ZSCAN30: variants seen among roughly 807,000 people sequenced by gnomAD.
ZSCAN30 encodes zinc finger and SCAN domain-containing protein 30.
In ZSCAN30, 37 loss-of-function variants were observed where a neutral mutation model predicts 44.3. The ratio of observed to expected loss-of-function variants is 0.84; its 90% confidence interval spans 0.64 to 1.10. ZSCAN30 has a LOEUF of 1.10. Ranked by LOEUF, ZSCAN30 falls within the 50% of genes least tolerant of loss-of-function variation. The pLI is 0.00. For missense variants in ZSCAN30, 549 were observed against 582.6 expected (o/e 0.94, Z 0.59); for synonymous variants, 181 against 204.6 (o/e 0.88, Z 0.98).
chr18:35,269,872 C>T (rs894500367), intron 1 of ZSCAN30: 2 of 150,694 alleles, frequency 1.3e-5, no homozygotes, highest in African/African-American at 4.9e-5. Flanking sequence ...GTAAAGTTGT[C>T]TTCTATGTAA....
At chr18:35,266,418 G>A (rs569246681) in intron 1 of ZSCAN30, among the ~76,000 whole-genome samples, 2 of 152,154 alleles carry the variant, frequency 1.3e-5, no homozygotes, top group South Asian at 2.1e-4. Flanking sequence ...ACAAAAAGAC[G>A]GGAGATTTGA....
chr18:35,289,960 CAG>C (rs1487677969), intron 1 of ZSCAN30, 122 bp downstream of exon 1: 1 of 152,252 alleles, frequency 6.6e-6, no homozygotes, highest in Admixed American at 6.5e-5. Context: ...TGTGAAAAAC[CAG>C]AGAGGACAGG....
intron 1 of ZSCAN30, among the ~76,000 whole-genome samples, chr18:35,276,204 G>C (rs1248435131): frequency 1.3e-5 from 2 of 152,128 alleles, no homozygotes; most frequent in Non-Finnish European, 2.9e-5. Flanking sequence ...GGGAGGGGAA[G>C]AGTTTGTGAA....
At chr18:35,274,786 AT>A (rs1387721088) in intron 1 of ZSCAN30, among the ~76,000 whole-genome samples, 1 of 152,074 alleles carries the variant, frequency 6.6e-6, no homozygotes, top group African/African-American at 2.4e-5. Flanking sequence ...CTGATTTCAT[AT>A]TTTTATATGG....
chr18:35,273,299 T>C (rs2044316342), intron 1 of ZSCAN30, among the ~76,000 whole-genome samples: 1 of 152,264 alleles, frequency 6.6e-6, no homozygotes, highest in Non-Finnish European at 1.5e-5. Context: ...GTACAATATT[T>C]GCCTTTTTGT....
Position 35,264,196 on chromosome 18 carries a change from G to C in ZSCAN30, c.157C>G (p.Gln53Glu), listed in dbSNP as rs773365939. The change falls in exon 2 of 4, where the codon CAG (glutamine) becomes GAG (glutamate). Residue 53 changes from glutamine to glutamate, a missense_variant. Gln to Glu is a conservative substitution (Grantham distance 29, BLOSUM62 2). Transcript: ENST00000333206. ...SQEVFRQKFR[Q>E]FSYSDSTGPR... The stretch of plus-strand genomic sequence containing the variant: ...CCAGTGGAGTCAGAGTAACTAAACT[G>C]CCTGAACTTCTGCCGGAATACCTCT... 3.1e-6 allele frequency: 5 copies of C among 1,614,078 alleles called. No homozygotes were observed. The highest frequency in any genetic ancestry group is 2.5e-6 in the Non-Finnish European group (3 of 1,180,036).
intron 1 of ZSCAN30, among the ~76,000 whole-genome samples, chr18:35,272,346 G>T (rs1431325904): frequency 9.7e-6 from 1 of 103,466 alleles, no homozygotes; most frequent in East Asian, 2.4e-4. Flanking sequence ...CATCATTTTA[G>T]AAAGTTTTTT....
chr18:35,279,086 C>T (rs765920230), intron 1 of ZSCAN30, among the ~76,000 whole-genome samples: 2 of 152,180 alleles, frequency 1.3e-5, no homozygotes, highest in Admixed American at 6.5e-5. Context: ...TTAAGAATTT[C>T]AAAACTCTTC....
In ZSCAN30 at chr18:35,253,283, C is replaced by T; in HGVS notation, c.*167G>A. ...TGGGTAACATTTTTCTTCCATTTAA[C>T]ACTTCAATAATCATAACAAACATCT... On this transcript the variant is annotated 3_prime_UTR_variant, in exon 4 of 4. Transcript: ENST00000333206. 1 of 507,134 alleles carries T rather than the reference C, an allele frequency of 2.0e-6. No individual in the cohort carries two copies. Among genetic ancestry groups the T allele is most frequent in the Non-Finnish European group, 3.4e-6 (1 of 295,878 alleles). The allele number at this position is 507,134 out of a possible 1,614,324, so 31.4% of individuals were successfully genotyped here. A position where few individuals can be genotyped will look rare whatever the true frequency, so the allele number is the denominator to read the frequency against.
intron 3 of ZSCAN30, among the ~76,000 whole-genome samples, chr18:35,256,103 A>G (rs1262517470): frequency 6.6e-6 from 1 of 152,232 alleles, no homozygotes; most frequent in African/African-American, 2.4e-5. Context: ...TTCTGTAACT[A>G]TATGAAGTCA....
chr18:35,286,726 G>GA (rs1257179782), intron 1 of ZSCAN30, among the ~76,000 whole-genome samples: 1 of 151,804 alleles, frequency 6.6e-6, no homozygotes, highest in Non-Finnish European at 1.5e-5. Context: ...CTTAAGATTG[G>GA]AAAAAAGACA....
chr18:35,265,836 C>T (rs754823912), intron 1 of ZSCAN30, among the ~76,000 whole-genome samples: 3 of 151,898 alleles, frequency 2.0e-5, no homozygotes, highest in East Asian at 3.9e-4. Context: ...AAGGACGGAG[C>T]GAAGTAGACA....
At chr18:35,265,806 G>A (rs1458044631) in intron 1 of ZSCAN30, among the ~76,000 whole-genome samples, 59 of 152,156 alleles carry the variant, frequency 3.9e-4, no homozygotes, top group Admixed American at 3.8e-3. Context: ...AAAGCAACAC[G>A]TAAACACAGT....
chr18:35,271,602 C>T (rs115340564), intron 1 of ZSCAN30, among the ~76,000 whole-genome samples: 3,296 of 152,332 alleles, frequency 0.022, 131 homozygotes, highest in African/African-American at 0.074. Context: ...TAGTGGAACC[C>T]GTGCCAGGGC....
intron 1 of ZSCAN30, among the ~76,000 whole-genome samples, chr18:35,288,033 C>T (rs914377437): frequency 1.3e-4 from 19 of 151,958 alleles, no homozygotes; most frequent in Admixed American, 4.6e-4. Flanking sequence ...CCACCACATC[C>T]GACAATTTTT....
chr18:35,265,927 C>CA (rs1442752224), intron 1 of ZSCAN30, among the ~76,000 whole-genome samples: 8 of 152,068 alleles, frequency 5.3e-5, no homozygotes, highest in Non-Finnish European at 1.0e-4. Context: ...CTGGAGGAGA[C>CA]ATCTCAGCAG....
At chr18:35,273,150 T>G (rs1569079107) in intron 1 of ZSCAN30, among the ~76,000 whole-genome samples, 1 of 152,188 alleles carries the variant, frequency 6.6e-6, no homozygotes, top group Admixed American at 6.5e-5. Context: ...CAGAACTTTT[T>G]TATCTTCCCA....
At position 35,253,227 on chromosome 18, in the gene ZSCAN30, G is replaced by A; in HGVS notation, c.*223C>T. On this transcript the variant is annotated 3_prime_UTR_variant, in exon 4 of 4. Transcript: ENST00000333206. ...CCAGAAATGGGTTAGGCATTTCAAG[G>A]AAATATCTACCATTCTTTTTGGAGA... The A allele has an allele frequency of 7.1e-6, 3 of 423,530 alleles. No homozygotes were observed. In the East Asian group the frequency reaches 1.1e-4, roughly 15 times the overall value. The allele number at this position is 423,530 out of a possible 1,614,324, so 26.2% of individuals were successfully genotyped here. A position where few individuals can be genotyped will look rare whatever the true frequency, so the allele number is the denominator to read the frequency against.
intron 1 of ZSCAN30, among the ~76,000 whole-genome samples, chr18:35,270,841 T>C (rs1022644123): frequency 3.9e-5 from 6 of 152,238 alleles, no homozygotes; most frequent in African/African-American, 1.4e-4. Flanking sequence ...TGTCCTGAGT[T>C]TGTTCCTTCT....
Sources: gnomAD v4.1 joint callset for allele counts (sites outside exome capture counted in the v4.1 genomes callset) on GRCh38, gnomAD v4.1.1 for gene constraint, MANE v1.5 for transcripts, NCBI Gene and HGNC (gene_info 2026-07-23, HGNC 2026-07-21) for gene names.